Variants in USP54 observed in about 807,000 individuals in gnomAD.
USP54 encodes ubiquitin specific peptidase 54.
Under a neutral mutation model 170.5 loss-of-function variants are expected in USP54, and 87 were observed. That is an observed-to-expected ratio of 0.51 (90% CI 0.43 to 0.61). USP54 has a LOEUF of 0.61. Among genes scored for constraint, USP54 ranks in the 20% least tolerant of loss-of-function variants. USP54 has a pLI of 0.00. For synonymous variants in USP54, 655 were observed against 742.8 expected, an observed-to-expected ratio of 0.88 and a Z score of 1.92; for missense variants, 1,786 against 2,047.8, an observed-to-expected ratio of 0.87 and a Z score of 2.47.
intron 1 of USP54, among the ~76,000 whole-genome samples, chr10:73,598,911 T>A (rs1418382035): frequency 3.4e-5 from 5 of 148,614 alleles, no homozygotes; most frequent in Non-Finnish European, 7.4e-5. Context: ...AGAGAGAGAC[T>A]CTGTCTCAAA....
intron 20 of USP54, among the ~76,000 whole-genome samples, chr10:73,513,828 G>GT (rs1050334672): frequency 6.6e-5 from 10 of 151,506 alleles, no homozygotes; most frequent in Admixed American, 6.6e-4. Flanking sequence ...TTTGTTTTTG[G>GT]TTTTGAGATA....
intron 4 of USP54, among the ~76,000 whole-genome samples, chr10:73,549,989 TCTCGG>T: frequency 6.6e-6 from 1 of 151,846 alleles, no homozygotes; most frequent in East Asian, 1.9e-4. Flanking sequence ...AATGGTGTGA[TCTCGG>T]CTCACTGTAA....
At chr10:73,554,805 AAAT>A (rs1240947290) in intron 4 of USP54, among the ~76,000 whole-genome samples, 2 of 152,242 alleles carry the variant, frequency 1.3e-5, no homozygotes, top group Non-Finnish European at 2.9e-5. Context: ...TATCTCTAAA[AAAT>A]AATAACTTTT....
intron 15 of USP54, among the ~76,000 whole-genome samples, chr10:73,527,684 C>T (rs2063168625): frequency 6.6e-6 from 1 of 150,660 alleles, no homozygotes; most frequent in South Asian, 2.1e-4. Context: ...TCCCAGTGAC[C>T]CTAAAACAAA....
chr10:73,614,666 T>C (rs925768991), intron 1 of USP54, among the ~76,000 whole-genome samples: 1 of 149,792 alleles, frequency 6.7e-6, no homozygotes, highest in African/African-American at 2.5e-5. Context: ...TTTCATATCA[T>C]TAAAGACACG....
intron 1 of USP54, among the ~76,000 whole-genome samples, chr10:73,608,530 A>T (rs996442158): frequency 2.6e-5 from 4 of 152,150 alleles, no homozygotes; most frequent in African/African-American, 9.7e-5. Context: ...GACATCTATC[A>T]CTTCATTTAA....
At chr10:73,507,157 G>A (rs2059277332) in intron 20 of USP54, 1 of 151,780 alleles carries the variant, frequency 6.6e-6, no homozygotes, top group Admixed American at 6.6e-5. Context: ...TTATGTATAT[G>A]TAGGTCTACA....
intron 22 of USP54, 111 bp downstream of exon 22, chr10:73,504,739 G>A (rs1329770814): frequency 1.4e-6 from 2 of 1,416,756 alleles, no homozygotes; most frequent in Non-Finnish European, 1.9e-6. Context: ...AGTACACAGG[G>A]CCTTTCCTCA....
intron 1 of USP54, among the ~76,000 whole-genome samples, chr10:73,582,724 T>C (rs983187887): frequency 6.6e-6 from 1 of 152,194 alleles, no homozygotes. Context: ...TTTAAGCTAA[T>C]TGACTTCACA....
At chr10:73,541,127 G>A (rs1000872153) in intron 9 of USP54, among the ~76,000 whole-genome samples, 2 of 152,150 alleles carry the variant, frequency 1.3e-5, no homozygotes, top group Middle Eastern at 6.8e-3. Flanking sequence ...CAGTAGCTAA[G>A]CTCTGCCTAT....
intron 1 of USP54, among the ~76,000 whole-genome samples, chr10:73,623,485 A>G (rs2081249150): frequency 6.6e-6 from 1 of 152,032 alleles, no homozygotes; most frequent in Non-Finnish European, 1.5e-5. Context: ...GCAAGACCCC[A>G]TCTCTAAAAA....
Position 73,519,955 on chromosome 10 carries a change from G to T in USP54, c.2520C>A (p.Ser840Arg). ...LRLALHGASC[S>R]THSRALVDKK... ...TATCGACTAGGGCTCTGCTGTGCGT[G>T]CTACAGCTGGCACCATGCAGGGCAA... The change falls in exon 19 of 24, where the codon AGC becomes AGA. Residue 840 changes from serine to arginine, a missense_variant. Ser to Arg is a moderately radical substitution (Grantham distance 110). Transcript: ENST00000687698. 3 of 1,612,592 alleles carry T rather than the reference G, an allele frequency of 1.9e-6. No individual in the cohort carries two copies. Among genetic ancestry groups the T allele is most frequent in the Non-Finnish European group, 1.7e-6 (2 of 1,179,292 alleles).
At chr10:73,571,583 A>C in intron 3 of USP54, 70 bp from the exon 4 acceptor site, 1 of 1,247,128 alleles carries the variant, frequency 8.0e-7, no homozygotes, top group Non-Finnish European at 1.2e-6. Flanking sequence ...TAAAGAGTTC[A>C]AACAAACATA....
At chr10:73,597,283 A>ACAAATTG (rs970347031) in intron 1 of USP54, among the ~76,000 whole-genome samples, 1 of 152,240 alleles carries the variant, frequency 6.6e-6, no homozygotes, top group Non-Finnish European at 1.5e-5. Flanking sequence ...TGCAGGACTA[A>ACAAATTG]CAAATTGCTA....
rs1343551736 is a variant in USP54 at position 73,530,392 on chromosome 10, T to TG, written c.1578dup (p.Asn527GlnfsTer15). Reference sequence around the variant, plus strand: ...CTGCCCCTGCAGTGAGAGCCTACATTGGTCTGAGAAGCCAGGGATGGTCTG... The same window carrying TG: ...CTGCCCCTGCAGTGAGAGCCTACATTGGGTCTGAGAAGCCAGGGATGGTCTG... On this transcript the variant is annotated frameshift_variant, in exon 14 of 24. Transcript: ENST00000687698. LOFTEE classifies it high-confidence loss of function. 1.2e-6 allele frequency: 2 copies of TG among 1,614,152 alleles called. No homozygotes were observed. Among genetic ancestry groups the TG allele is most frequent in the Non-Finnish European group, 1.7e-6 (2 of 1,180,030 alleles).
intron 4 of USP54, among the ~76,000 whole-genome samples, chr10:73,561,440 C>T (rs2073031809): frequency 1.3e-5 from 2 of 152,014 alleles, no homozygotes; most frequent in African/African-American, 4.8e-5. Flanking sequence ...GCCTGGACAA[C>T]ATAGCAAGAT....
At chr10:73,586,135 C>T (rs1327570910) in intron 1 of USP54, among the ~76,000 whole-genome samples, 1 of 152,222 alleles carries the variant, frequency 6.6e-6, no homozygotes, top group Non-Finnish European at 1.5e-5. Context: ...ACTCACTGAT[C>T]AAACATTTCA....
At chr10:73,528,561 C>T (rs902051963) in intron 15 of USP54, among the ~76,000 whole-genome samples, 4 of 151,438 alleles carry the variant, frequency 2.6e-5, no homozygotes. Flanking sequence ...AGGCCTAGTC[C>T]GTTTTTGTTT....
chr10:73,592,839 TCTC>T (rs1405355530), upstream of USP54, among the ~76,000 whole-genome samples: 1 of 152,190 alleles, frequency 6.6e-6, no homozygotes, highest in Non-Finnish European at 1.5e-5. Flanking sequence ...GATTGTAATC[TCTC>T]CAGAGGCCCC....
Sources: allele counts gnomAD v4.1 joint callset (sites outside exome capture counted in the v4.1 genomes callset), GRCh38; gene constraint gnomAD v4.1.1; transcripts MANE v1.5; gene names NCBI Gene and HGNC (gene_info 2026-07-23, HGNC 2026-07-21).